The following TMEM72 variants were observed in gnomAD, a reference collection of about 807,000 sequenced individuals.
The protein encoded by TMEM72 is transmembrane protein 72, also known as kidney-specific secretory protein of 37 kDa.
A neutral mutation model predicts 16.3 loss-of-function variants in TMEM72; 9 were observed. The observed-to-expected ratio is 0.55, with a 90% confidence interval of 0.33 to 0.96. The LOEUF is 0.96. Ranked by LOEUF, TMEM72 falls within the 40% of genes least tolerant of loss-of-function variation. TMEM72 has a pLI of 0.03. For synonymous variants in TMEM72, 160 were observed against 146.5 expected (o/e 1.09, Z -0.66); for missense variants, 324 against 337.8 (o/e 0.96, Z 0.32).
At chr10:44,918,466 C>A (rs76560447) in intron 1 of TMEM72, among the ~76,000 whole-genome samples, 1 of 152,146 alleles carries the variant, frequency 6.6e-6, no homozygotes, top group Non-Finnish European at 1.5e-5. Flanking sequence ...GGAGGCAATA[C>A]TTCTCAACTC....
In TMEM72 at chr10:44,934,836, A is replaced by T. The variant is rs150081288; in HGVS notation, c.530A>T (p.Glu177Val). The T allele has an allele frequency of 5.3e-5, 85 of 1,613,528 alleles. No individual in the cohort carries two copies. Among genetic ancestry groups the T allele is most frequent in the Non-Finnish European group, 6.2e-5 (73 of 1,179,954 alleles). Residue 177 changes from glutamate to valine, a missense_variant, in exon 5 of 5, where the codon GAG becomes GTG. Glu to Val is a moderately radical substitution (Grantham distance 121). Transcript: ENST00000389583. ...TACACTTTCCATGGGGCCCTCAAGG[A>T]GGGGCCCAGCTCCCTTTTCATCCAC... ...QTYTFHGALK[E>V]GPSSLFIHMK...
chr10:44,915,876 A>T (rs1840006381), intron 1 of TMEM72, among the ~76,000 whole-genome samples: 1 of 151,900 alleles, frequency 6.6e-6, no homozygotes, highest in African/African-American at 2.4e-5. Context: ...CCATCTGGGG[A>T]CAGACAAATC....
chr10:44,921,074 C>T (rs1258426204), intron 1 of TMEM72, among the ~76,000 whole-genome samples: 2 of 152,172 alleles, frequency 1.3e-5, no homozygotes, highest in Non-Finnish European at 2.9e-5. Context: ...AGAAGCAAGC[C>T]CTGGACCCTG....
chr10:44,930,859 C>A (rs753986089), intron 2 of TMEM72, among the ~76,000 whole-genome samples: 1 of 152,228 alleles, frequency 6.6e-6, no homozygotes, highest in Non-Finnish European at 1.5e-5. Flanking sequence ...GAAACTAAGA[C>A]AGAGAAAGGT....
intron 2 of TMEM72, 106 bp downstream of exon 2, chr10:44,928,093 C>A: frequency 7.8e-7 from 1 of 1,289,124 alleles, no homozygotes; most frequent in South Asian, 1.3e-5. Flanking sequence ...CATGTGAATT[C>A]CATCCTATCT....
chr10:44,913,467 C>T (rs569515793), intron 1 of TMEM72, among the ~76,000 whole-genome samples: 178 of 152,266 alleles, frequency 1.2e-3, no homozygotes, highest in Middle Eastern at 3.4e-3. Context: ...CACACACACA[C>T]ACACACACAC....
At chr10:44,924,466 C>T (rs1475317442) in intron 1 of TMEM72, among the ~76,000 whole-genome samples, 1 of 152,206 alleles carries the variant, frequency 6.6e-6, no homozygotes, top group Admixed American at 6.5e-5. Flanking sequence ...GAGCCCAGTG[C>T]CTGGCCCAAC....
intron 2 of TMEM72, 92 bp downstream of exon 2, chr10:44,928,079 T>C (rs1325407327): frequency 7.1e-7 from 1 of 1,414,484 alleles, no homozygotes; most frequent in Non-Finnish European, 9.9e-7. Context: ...AGCAGTCCCC[T>C]TCCCATGTGA....
At chr10:44,933,911 G>C in intron 4 of TMEM72, 135 bp downstream of exon 4, 4 of 1,153,358 alleles carry the variant, frequency 3.5e-6, no homozygotes, top group Non-Finnish European at 4.7e-6. Context: ...CTGACCTAGA[G>C]GGTGGACATG....
chr10:44,930,423 A>C (rs1309334007), intron 2 of TMEM72, among the ~76,000 whole-genome samples: 1 of 152,188 alleles, frequency 6.6e-6, no homozygotes, highest in Non-Finnish European at 1.5e-5. Context: ...GCTACTGATA[A>C]GGGGCCATTG....
chr10:44,936,521 G>C lies in TMEM72; in HGVS notation c.*1387G>C, dbSNP rs1840403744. 1 of 152,236 alleles carries C rather than the reference G, an allele frequency of 6.6e-6. No individual in the cohort carries two copies. Among genetic ancestry groups the C allele is most frequent in the African/African-American group, 2.4e-5 (1 of 41,456 alleles). The allele number at this position is 152,236 out of a possible 1,614,324, so 9.4% of individuals were successfully genotyped here. Reference sequence around the variant, plus strand: ...TGTTCCTGATAAGCAGATAAGCAGAGCTCTTCCTGCAGTAGCCCAGGTCTC... The same window carrying C: ...TGTTCCTGATAAGCAGATAAGCAGACCTCTTCCTGCAGTAGCCCAGGTCTC... On this transcript the variant is annotated 3_prime_UTR_variant, in exon 5 of 5. Transcript: ENST00000389583.
Position 44,925,746 on chromosome 10 carries a change from G to A in TMEM72, c.71-2175G>A, listed in dbSNP as rs113101378. Among the ~76,000 whole-genome samples, 225 of 152,298 alleles carry A rather than the reference G, an allele frequency of 1.5e-3. 2 individuals carry two copies. Among genetic ancestry groups the A allele is most frequent in the African/African-American group, 5.3e-3 (220 of 41,546 alleles). ...CATTACTTACATTCTGTGTGCCTCA[G>A]TTTCCTCTATGTAAAGTGGGGATAA... On this transcript the variant is annotated intron_variant, in intron 1 of 4. Transcript: ENST00000389583.
intron 2 of TMEM72, 47 bp downstream of exon 2, chr10:44,928,034 A>T: frequency 6.3e-7 from 1 of 1,595,836 alleles, no homozygotes; most frequent in Non-Finnish European, 8.6e-7. Context: ...GTTCTGCTCA[A>T]CTCACCCTAC....
Position 44,935,270 on chromosome 10 carries a change from C to A in TMEM72, c.*136C>A, listed in dbSNP as rs575507377. ...CCCCACACTGGCTGGGCCCCTGAGG[C>A]CATCAGGAGGTGTGACTGGCCAGCA... On this transcript the variant is annotated 3_prime_UTR_variant, in exon 5 of 5. Transcript: ENST00000389583. The A allele has an allele frequency of 2.3e-4, 191 of 815,336 alleles. No individual in the cohort carries two copies. The South Asian group carries it at 2.5e-3, about 11-fold the overall frequency. The allele number at this position is 815,336 out of a possible 1,614,324, so 50.5% of individuals were successfully genotyped here.
chr10:44,915,507 G>C (rs1442505216), intron 1 of TMEM72, among the ~76,000 whole-genome samples: 1 of 152,038 alleles, frequency 6.6e-6, no homozygotes, highest in African/African-American at 2.4e-5. Flanking sequence ...CTGCTCCTGA[G>C]ACTCCACTCC....
chr10:44,926,984 G>A (rs922665404), intron 1 of TMEM72, among the ~76,000 whole-genome samples: 7 of 152,126 alleles, frequency 4.6e-5, no homozygotes, highest in Non-Finnish European at 1.0e-4. Flanking sequence ...GCAGCGCCAC[G>A]AGCAGCAGGG....
intron 2 of TMEM72, among the ~76,000 whole-genome samples, chr10:44,928,458 CTATT>C (rs1042872767): frequency 2.6e-5 from 4 of 151,952 alleles, no homozygotes; most frequent in African/African-American, 9.7e-5. Context: ...ACCCACCCAT[CTATT>C]TATCCATCCA....
At position 44,932,006 on chromosome 10, in the gene TMEM72, G is replaced by C; in HGVS notation, c.146G>C (p.Gly49Ala). The change falls in exon 3 of 5, where the codon GGA becomes GCA. Residue 49 changes from glycine (G) to alanine (A), a missense_variant. Transcript: ENST00000389583. ...CCTGTCTCCACCTGCAGGTTTACAG[G>C]AGCCGCTGTCTCCATATGTGAAGGG... is the stretch of plus-strand genomic sequence containing the variant. The part of the protein sequence containing the change: ...KSLAFYLLFT[G>A]AAVSICEGAY... The C allele has an allele frequency of 6.2e-7, 1 of 1,612,784 alleles. No individual in the cohort carries two copies. Among genetic ancestry groups the C allele is most frequent in the South Asian group, 1.1e-5 (1 of 90,602 alleles).
intron 1 of TMEM72, among the ~76,000 whole-genome samples, chr10:44,922,137 G>T (rs1243393651): frequency 6.6e-6 from 1 of 152,298 alleles, no homozygotes; most frequent in Admixed American, 6.5e-5. Flanking sequence ...TTAACAGAGA[G>T]CCCCGCCTAA....
Sources: allele counts gnomAD v4.1 joint callset (sites outside exome capture counted in the v4.1 genomes callset), GRCh38; gene constraint gnomAD v4.1.1; transcripts MANE v1.5; gene names NCBI Gene and HGNC (gene_info 2026-07-23, HGNC 2026-07-21).